The following FAT1 variants were observed in gnomAD, a reference collection of about 807,000 sequenced individuals.
FAT1 encodes the protein protocadherin Fat 1.
Under a neutral mutation model 329.8 loss-of-function variants are expected in FAT1, and 171 were observed. The ratio of observed to expected loss-of-function variants is 0.52; its 90% CI spans 0.46 to 0.59. The LOEUF is 0.59. Among genes scored for constraint, FAT1 ranks in the 20% least tolerant of loss-of-function variants. The probability of loss-of-function intolerance (pLI) is 0.00; values close to 1 mark genes in which losing one functional copy is unlikely to be tolerated. For synonymous variants in FAT1, 2,233 were observed against 2,228.6 expected, an observed-to-expected ratio of 1.00 and a Z score of -0.06; for missense variants, 5,672 against 5,774.4, an observed-to-expected ratio of 0.98 and a Z score of 0.57.
chr4:186,691,597 G>T, intron 2 of FAT1, among the ~76,000 whole-genome samples: 1 of 152,104 alleles, frequency 6.6e-6, no homozygotes, highest in Admixed American at 6.6e-5. Context: ...TTGAGCTGAG[G>T]AGTTCGAGAC....
At chr4:186,634,987 T>C (rs1014500691) in intron 6 of FAT1, among the ~76,000 whole-genome samples, 1 of 152,256 alleles carries the variant, frequency 6.6e-6, no homozygotes. Flanking sequence ...TGAGCATCGT[T>C]AACTACGAAA....
chr4:186,636,904 G>A lies in FAT1; in HGVS notation c.3653C>T (p.Thr1218Ile), dbSNP rs756463058. The A allele has an allele frequency of 1.2e-6, 2 of 1,603,630 alleles. No homozygotes were observed. Among genetic ancestry groups the A allele is most frequent in the Non-Finnish European group, 1.7e-6 (2 of 1,176,206 alleles). Residue 1218 changes from threonine to isoleucine, a missense_variant, in exon 5 of 27, where the codon ACA (threonine) becomes ATA (isoleucine). Thr to Ile is a moderately conservative substitution (Grantham distance 89, BLOSUM62 -1). Around this residue, in one of 2 missense-constraint regions of FAT1, gnomAD observed 3,966 missense variants for 3,915.2 expected, o/e 1.01. Coordinates refer to ENST00000441802, the MANE Select transcript of FAT1 (RefSeq NM_005245.4). ...QDEHILEVTV[T>I]DNGSPPKSTI... ...TGATTTGGGGGGACTACCATTGTCT[G>A]TCACAGTAACCTGTTTTTTTAAAGT...
intron 1 of FAT1, among the ~76,000 whole-genome samples, chr4:186,718,478 C>A (rs1027155832): frequency 6.6e-6 from 1 of 152,056 alleles, no homozygotes; most frequent in African/African-American, 2.4e-5. Context: ...ACCATCCTGG[C>A]CAACATGGTG....
In FAT1 at chr4:186,621,143, A is replaced by G. The variant is rs2126522557; in HGVS notation, c.5443T>C (p.Ser1815Pro). ...TCAATAGCAAAATATGTGTGTACAG[A>G]TGGTTCAACAATGTGATATACAAGC... The part of the protein sequence containing the change: ...ALLVYHIVEP[S>P]VHTYFAIDSS... The change falls in exon 10 of 27, where the codon TCT becomes CCT. Residue 1815 changes from serine to proline, a missense_variant. Around this residue, in one of 2 missense-constraint regions of FAT1, gnomAD observed 3,966 missense variants for 3,915.2 expected, o/e 1.01. Transcript: ENST00000441802. The G allele has an allele frequency of 6.2e-7, 1 of 1,613,974 alleles. No homozygotes were observed. The highest frequency in any genetic ancestry group is 2.2e-5 in the East Asian group (1 of 44,880).
Position 186,603,885 on chromosome 4 carries a change from G to A in FAT1, c.10641C>T (p.Pro3547=), listed in dbSNP as rs765167581. The change falls in exon 19 of 27, where the codon CCC becomes CCT. Residue 3547 remains proline, a synonymous_variant. Coordinates refer to ENST00000441802, the MANE Select transcript of FAT1 (RefSeq NM_005245.4). ...CAGAAGAGGTGATGAAAATCTCCAGGGGCAAAATCGCAGGCGGATAGATGC... is the reference window on the plus strand; with the variant it reads ...CAGAAGAGGTGATGAAAATCTCCAGAGGCAAAATCGCAGGCGGATAGATGC... ...EESIYPPAIL[P]LEIFITSSGE... is the part of the protein sequence containing the mutation. 1 of 1,613,802 alleles carries A rather than the reference G, an allele frequency of 6.2e-7. No homozygotes were observed. Among genetic ancestry groups the A allele is most frequent in the Non-Finnish European group, 8.5e-7 (1 of 1,179,806 alleles).
intron 3 of FAT1, among the ~76,000 whole-genome samples, chr4:186,654,928 A>C (rs988237059): frequency 7.3e-5 from 11 of 150,790 alleles, no homozygotes; most frequent in African/African-American, 2.4e-4. Flanking sequence ...AAAAAAAAAC[A>C]AAAAAAACTT....
At chr4:186,692,864 T>C (rs538099490) in intron 2 of FAT1, among the ~76,000 whole-genome samples, 1 of 152,324 alleles carries the variant, frequency 6.6e-6, no homozygotes, top group South Asian at 2.1e-4. Flanking sequence ...GGCCAAAGTC[T>C]ATCGTGAAGA....
In FAT1 at chr4:186,588,689, G is replaced by A. The variant is rs2126348306; in HGVS notation, c.13670C>T (p.Ser4557Phe). The A allele has an allele frequency of 1.2e-6, 2 of 1,613,930 alleles. No homozygotes were observed. Among genetic ancestry groups the A allele is most frequent in the African/African-American group, 1.3e-5 (1 of 75,014 alleles). Reference protein sequence around the residue: ...SDVSACCEVESEVMMSDYESG... With the variant: ...SDVSACCEVEFEVMMSDYESG... ...CTCATAGTCACTCATCATGACCTCG[G>A]ACTCCACTTCGCAGCAGGCTGACAC... is the stretch of plus-strand genomic sequence containing the variant. The change falls in exon 27 of 27, where the codon TCC becomes TTC. Residue 4557 changes from serine (S) to phenylalanine (F), a missense_variant. Coordinates refer to ENST00000441802, the MANE Select transcript of FAT1 (RefSeq NM_005245.4).
chr4:186,704,754 C>G (rs1744489552), intron 2 of FAT1, among the ~76,000 whole-genome samples: 1 of 152,122 alleles, frequency 6.6e-6, no homozygotes, highest in Admixed American at 6.5e-5. Flanking sequence ...TTCTACTCTT[C>G]AGAGGATTAT....
intron 9 of FAT1, 119 bp from the exon 10 acceptor site, chr4:186,621,894 CAG>C: frequency 1.6e-6 from 1 of 633,332 alleles, no homozygotes; most frequent in Non-Finnish European, 2.6e-6. Context: ...AGCAGAAACT[CAG>C]GGGATGTCAA....
At chr4:186,600,913 T>G (rs1560922285) in intron 21 of FAT1, among the ~76,000 whole-genome samples, 1 of 152,236 alleles carries the variant, frequency 6.6e-6, no homozygotes, top group Admixed American at 6.5e-5. Context: ...GGTTTTGCCA[T>G]GCTGGCCAGG....
At position 186,598,103 on chromosome 4, in the gene FAT1, G is replaced by A. The variant is rs780680388; in HGVS notation, c.12126C>T (p.Ala4042=). Residue 4042 remains alanine, a synonymous_variant, in exon 23 of 27, where the codon GCC becomes GCT. Transcript: ENST00000441802. ...TCTCACAGTGGGTCCCTATGTACAA[G>A]GCACTGCATTTGCAGTAATAACCTA... ...PAGGYYCKCS[A]LYIGTHCEIS... is the part of the protein sequence containing the mutation. 9 of 1,609,598 alleles carry A rather than the reference G, an allele frequency of 5.6e-6. No homozygotes were observed. Among genetic ancestry groups the A allele is most frequent in the South Asian group, 2.2e-5 (2 of 89,748 alleles).
chr4:186,588,538 A>G lies in FAT1; in HGVS notation c.*54T>C. The stretch of plus-strand genomic sequence containing the variant: ...ACTGCTGCAAAGAACAGCGCGGATT[A>G]CTCACATCACCTCTAGGTTCACTAA... On this transcript the variant is annotated 3_prime_UTR_variant, in exon 27 of 27. Coordinates refer to ENST00000441802, the MANE Select transcript of FAT1 (RefSeq NM_005245.4). 1.9e-6 allele frequency: 3 copies of G among 1,556,404 alleles called. No individual in the cohort carries two copies. The Admixed American group carries it at 5.5e-5, about 28-fold the overall frequency.
At chr4:186,605,396 T>C (rs1157101493) in intron 17 of FAT1, among the ~76,000 whole-genome samples, 1 of 79,288 alleles carries the variant, frequency 1.3e-5, no homozygotes, top group Non-Finnish European at 2.4e-5. Context: ...GTGGAGACAG[T>C]GAAATGGGGA....
At chr4:186,590,110 AG>A (rs1283510392) in intron 26 of FAT1, among the ~76,000 whole-genome samples, 1 of 152,012 alleles carries the variant, frequency 6.6e-6, no homozygotes. Flanking sequence ...GACTATATAA[AG>A]CACCACTATT....
intron 16 of FAT1, among the ~76,000 whole-genome samples, chr4:186,607,430 G>C (rs970214469): frequency 7.0e-6 from 1 of 143,346 alleles, no homozygotes; most frequent in East Asian, 2.2e-4. Flanking sequence ...TAACTGTATA[G>C]ATGGGTGAAT....
chr4:186,622,620 T>C (rs532791494), intron 9 of FAT1, among the ~76,000 whole-genome samples: 2 of 152,360 alleles, frequency 1.3e-5, no homozygotes, highest in South Asian at 2.1e-4. Flanking sequence ...TTTCAGGCTA[T>C]ACTGTATGTA....
chr4:186,645,393 A>C (rs777197720), intron 3 of FAT1, among the ~76,000 whole-genome samples: 3,591 of 106,058 alleles, frequency 0.034, 281 homozygotes, highest in Middle Eastern at 0.099. Flanking sequence ...ATATATATAT[A>C]TATATATATA....
In FAT1 at chr4:186,662,027, C is replaced by A. The variant is rs530272344; in HGVS notation, c.3580+1272G>T. Among the ~76,000 whole-genome samples, 10 of 149,838 alleles carry A rather than the reference C, an allele frequency of 6.7e-5. No homozygotes were observed. The East Asian group carries it at 2.0e-3, about 30-fold the overall frequency. ...ATCCTCCCCCCCGCCCCCCGGCCAG[C>A]CCCCCAAACACACACTTGGTCCCAG... On this transcript the variant is annotated intron_variant, in intron 3 of 26. Transcript: ENST00000441802.
Sources: allele counts gnomAD v4.1 joint callset (sites outside exome capture counted in the v4.1 genomes callset), GRCh38; gene constraint gnomAD v4.1.1; regional missense constraint gnomAD v4.1.1; transcripts MANE v1.5; gene names NCBI Gene and HGNC (gene_info 2026-07-23, HGNC 2026-07-21).